The following MYT1L variants were observed in gnomAD, a reference collection of about 807,000 sequenced individuals.
MYT1L encodes the protein myelin transcription factor 1 like, also known as myelin transcription factor 1-like protein.
MYT1L carries 12 observed loss-of-function variants against 126.7 expected under a neutral mutation model. The ratio of observed to expected loss-of-function variants is 0.09; its 90% CI spans 0.06 to 0.15. The LOEUF is 0.15. Among genes scored for constraint, MYT1L ranks in the 10% least tolerant of loss-of-function variants. The probability of loss-of-function intolerance (pLI) is 1.00; values close to 1 mark genes in which losing one functional copy is unlikely to be tolerated. For synonymous variants in MYT1L, 541 were observed against 604.2 expected (o/e 0.90, Z 1.53); for missense variants, 979 against 1,585.2 (o/e 0.62, Z 6.49).
chr2:1,791,909 T>C lies in MYT1L; in HGVS notation c.3519A>G (p.Leu1173=), dbSNP rs2032152706. ...DRYQSPENKA[L]LENIKQAVRG... is the part of the protein sequence containing the mutation. ...TCACAGCCTGCTTTATATTTTCCAG[T>C]AGGGCTTTATTTTCTGGACTCTGAT... The change falls in exon 25 of 25, where the codon CTA becomes CTG. Residue 1173 remains leucine, a synonymous_variant. Transcript: ENST00000647738. This position sits in a 1 kb window ranked among gnomAD's most constrained non-coding sequence, Gnocchi z 6.0. 1.2e-6 allele frequency: 2 copies of C among 1,611,424 alleles called. No homozygotes were observed. Among genetic ancestry groups the C allele is most frequent in the South Asian group, 1.1e-5 (1 of 90,282 alleles).
At chr2:1,952,274 T>G (rs1190809623) in intron 8 of MYT1L, among the ~76,000 whole-genome samples, 1 of 152,214 alleles carries the variant, frequency 6.6e-6, no homozygotes, top group Non-Finnish European at 1.5e-5. Context: ...TAGCCAGTTA[T>G]TAAATATTTA....
chr2:2,064,239 T>C (rs554870404), intron 3 of MYT1L, among the ~76,000 whole-genome samples: 12 of 152,278 alleles, frequency 7.9e-5, no homozygotes, highest in African/African-American at 2.4e-4. Context: ...AAACACGAGG[T>C]CAGTGCCTAG....
intron 3 of MYT1L, among the ~76,000 whole-genome samples, chr2:2,122,651 T>C (rs2081187523): frequency 6.6e-6 from 1 of 152,204 alleles, no homozygotes; most frequent in South Asian, 2.1e-4. Context: ...TGTATAGTCT[T>C]GGGCCATGGG....
At chr2:2,131,013 C>T (rs2082291571) in intron 3 of MYT1L, among the ~76,000 whole-genome samples, 3 of 152,038 alleles carry the variant, frequency 2.0e-5, no homozygotes, top group Admixed American at 2.0e-4. Context: ...AATGCATGAC[C>T]CCTAAATAGT....
chr2:1,888,221 A>G (rs1186645779), intron 16 of MYT1L, among the ~76,000 whole-genome samples: 5 of 152,224 alleles, frequency 3.3e-5, no homozygotes, highest in Non-Finnish European at 7.3e-5. Flanking sequence ...ATGATGATCC[A>G]GGATGAAAAC....
intron 22 of MYT1L, among the ~76,000 whole-genome samples, chr2:1,802,199 G>A (rs138076963): frequency 6.6e-5 from 10 of 152,286 alleles, no homozygotes; most frequent in African/African-American, 2.2e-4. Flanking sequence ...CAGTCATTCT[G>A]CAAACACCCC....
chr2:1,804,350 G>C (rs575880561), intron 22 of MYT1L, among the ~76,000 whole-genome samples: 1 of 152,122 alleles, frequency 6.6e-6, no homozygotes, highest in Non-Finnish European at 1.5e-5. Flanking sequence ...TTGAACTCCT[G>C]ACCTCAGGTG....
chr2:2,191,069 G>A (rs1348489237), intron 2 of MYT1L, among the ~76,000 whole-genome samples: 2 of 152,212 alleles, frequency 1.3e-5, no homozygotes, highest in African/African-American at 4.8e-5. Context: ...ACAGGCGTGG[G>A]CCACCGCGCC....
chr2:2,160,671 G>A lies in MYT1L; in HGVS notation c.-304+12201C>T, dbSNP rs554014503. 2.8e-4 allele frequency among the ~76,000 whole-genome samples: 42 copies of A among 152,256 alleles called. No homozygotes were observed. The South Asian group carries it at 5.4e-3, about 20-fold the overall frequency. On this transcript the variant is annotated intron_variant, in intron 3 of 24. Coordinates refer to ENST00000647738, the MANE Select transcript of MYT1L (RefSeq NM_001303052.2). ...GAAGATGCCACAAGATCAAAGCTGC[G>A]GTGGCTTAGGTCTCTGCATTAACCA... is the stretch of plus-strand genomic sequence containing the variant.
chr2:1,807,105 T>C (rs2035841935), intron 22 of MYT1L, among the ~76,000 whole-genome samples: 1 of 152,190 alleles, frequency 6.6e-6, no homozygotes, highest in Non-Finnish European at 1.5e-5. Flanking sequence ...AGGCAGAAAC[T>C]GACAGGAGCA....
At chr2:2,135,345 T>C (rs1272549698) in intron 3 of MYT1L, among the ~76,000 whole-genome samples, 3 of 152,234 alleles carry the variant, frequency 2.0e-5, no homozygotes, top group African/African-American at 4.8e-5. Context: ...ATGTAAGACA[T>C]GACTTTGCTC....
chr2:2,120,250 G>A (rs1461836651), intron 3 of MYT1L, among the ~76,000 whole-genome samples: 1 of 152,118 alleles, frequency 6.6e-6, no homozygotes, highest in East Asian at 1.9e-4. Flanking sequence ...GGGAGTGGTC[G>A]CTGCCCTTGC....
chr2:2,241,275 T>TGTG (rs1559434918), intron 2 of MYT1L, among the ~76,000 whole-genome samples: 44 of 150,850 alleles, frequency 2.9e-4, no homozygotes, highest in South Asian at 6.3e-4. Flanking sequence ...AATACATCTT[T>TGTG]TGTGTGTGTG....
intron 2 of MYT1L, among the ~76,000 whole-genome samples, chr2:2,218,809 C>T (rs367874512): frequency 1.4e-4 from 22 of 152,324 alleles, no homozygotes; most frequent in African/African-American, 4.8e-4. Flanking sequence ...AGATTCTACC[C>T]TCTTTTCCTT....
chr2:2,111,225 C>A (rs1406980834), intron 3 of MYT1L, among the ~76,000 whole-genome samples: 1 of 152,204 alleles, frequency 6.6e-6, no homozygotes, highest in Admixed American at 6.5e-5. Context: ...CTGTACACCT[C>A]AAGCCCTACC....
intron 8 of MYT1L, among the ~76,000 whole-genome samples, chr2:1,956,608 C>T (rs2058484341): frequency 1.3e-5 from 2 of 149,572 alleles, no homozygotes; most frequent in African/African-American, 2.5e-5. Flanking sequence ...ATCTATCTAT[C>T]TATCTATCTA....
Position 1,912,096 on chromosome 2 carries a change from C to T in MYT1L, c.1633G>A (p.Glu545Lys). The T allele has an allele frequency of 6.3e-7, 1 of 1,582,374 alleles. No homozygotes were observed. ...RVPPEILAMH[E>K]SVLKCPTPGC... Reference sequence around the variant, plus strand: ...GGAGTGGGGCACTTGAGGACACTTTCATGCATGGCAAGGACTTGACAGGGA... The same window carrying T: ...GGAGTGGGGCACTTGAGGACACTTTTATGCATGGCAAGGACTTGACAGGGA... The change falls in exon 12 of 25, where the codon GAA (glutamate) becomes AAA (lysine). Residue 545 changes from glutamate to lysine, a missense_variant. Coordinates refer to ENST00000647738, the MANE Select transcript of MYT1L (RefSeq NM_001303052.2). The surrounding 1 kb of genome is among the most constrained non-coding windows in gnomAD (Gnocchi z 4.3).
Position 2,068,728 on chromosome 2 carries a change from C to CTT in MYT1L, c.-303-14607_-303-14606dup, listed in dbSNP as rs201270937. On this transcript the variant is annotated intron_variant, in intron 3 of 24. Coordinates refer to ENST00000647738, the MANE Select transcript of MYT1L (RefSeq NM_001303052.2). ...TTTAATGATCCAACAGTAATACTGGCTTTTTTTTTTTTTTTGGACACAGAC... is the reference window on the plus strand; with the variant it reads ...TTTAATGATCCAACAGTAATACTGGCTTTTTTTTTTTTTTTTTGGACACAGAC... Among the ~76,000 whole-genome samples, 244 of 67,030 alleles carry CTT rather than the reference C, an allele frequency of 3.6e-3. 2 individuals carry two copies. Among genetic ancestry groups the CTT allele is most frequent in the African/African-American group, 0.012 (237 of 19,184 alleles). The allele number at this position is 67,030 out of a possible 152,430, so 44.0% of individuals were successfully genotyped here.
intron 3 of MYT1L, among the ~76,000 whole-genome samples, chr2:2,171,972 T>C (rs1474850771): frequency 6.6e-6 from 1 of 152,186 alleles, no homozygotes; most frequent in Non-Finnish European, 1.5e-5. Context: ...TAGAGCATGC[T>C]GAGAAATTGC....
Sources: gnomAD v4.1 joint callset for allele counts (sites outside exome capture counted in the v4.1 genomes callset) on GRCh38, gnomAD v4.1.1 for gene constraint, Gnocchi (gnomAD v3.1) non-coding constraint, MANE v1.5 for transcripts, NCBI Gene and HGNC (gene_info 2026-07-23, HGNC 2026-07-21) for gene names.